The following CRPPA variants were observed in gnomAD, a reference collection of about 807,000 sequenced individuals.
CRPPA encodes the protein D-ribitol-5-phosphate cytidylyltransferase.
In CRPPA, 43 loss-of-function variants were observed where a neutral mutation model predicts 52.0. That is an observed-to-expected ratio of 0.83 (90% CI 0.65 to 1.07). The LOEUF (loss-of-function observed/expected upper bound fraction) is 1.07. Among genes scored for constraint, CRPPA ranks in the 50% least tolerant of loss-of-function variants. CRPPA has a pLI of 0.00. For synonymous variants in CRPPA, 250 were observed against 203.5 expected (o/e 1.23, Z -1.94); for missense variants, 629 against 551.7 (o/e 1.14, Z -1.40).
intron 3 of CRPPA, among the ~76,000 whole-genome samples, chr7:16,328,515 G>C (rs1014277617): frequency 2.0e-5 from 3 of 152,032 alleles, no homozygotes; most frequent in African/African-American, 7.2e-5. Context: ...TGGGGGGTTT[G>C]TTTTGTTCTG....
Position 16,198,261 on chromosome 7 carries a change from C to T in CRPPA, c.1251+17805G>A, listed in dbSNP as rs527241964. The stretch of plus-strand genomic sequence containing the variant: ...CAATGGAATGTCTCGGTATAAAACC[C>T]GATTGTATGCTCCATCTACTGAGAT... On this transcript the variant is annotated intron_variant, in intron 9 of 9. Transcript: ENST00000407010. Among the ~76,000 whole-genome samples, 123 of 22,506 alleles carry T rather than the reference C, an allele frequency of 5.5e-3. 1 individual carries two copies. The highest frequency in any genetic ancestry group is 0.013 in the African/African-American group (68 of 5,048). The allele number at this position is 22,506 out of a possible 152,430, so 14.8% of individuals were successfully genotyped here.
intron 3 of CRPPA, among the ~76,000 whole-genome samples, chr7:16,363,864 T>C (rs1786521039): frequency 6.6e-6 from 1 of 152,134 alleles, no homozygotes; most frequent in South Asian, 2.1e-4. Flanking sequence ...TTCAATAAAT[T>C]TGCCTGCTAT....
intron 3 of CRPPA, among the ~76,000 whole-genome samples, chr7:16,361,712 A>G (rs907039015): frequency 3.3e-5 from 5 of 152,218 alleles, no homozygotes; most frequent in African/African-American, 4.8e-5. Context: ...TTACCATTTA[A>G]TAAGCACAAA....
intron 9 of CRPPA, among the ~76,000 whole-genome samples, chr7:16,213,592 T>C (rs896442269): frequency 2.0e-5 from 3 of 152,026 alleles, no homozygotes; most frequent in South Asian, 2.1e-4. Flanking sequence ...CTACTACATA[T>C]ACAAAATTTA....
intron 9 of CRPPA, among the ~76,000 whole-genome samples, chr7:16,202,461 A>T (rs1405049116): frequency 6.6e-6 from 1 of 152,182 alleles, no homozygotes; most frequent in Non-Finnish European, 1.5e-5. Context: ...GTCACTCAGC[A>T]GTCACTGAGG....
chr7:16,094,585 A>G (rs78929316), intron 9 of CRPPA, among the ~76,000 whole-genome samples: 9 of 98,580 alleles, frequency 9.1e-5, no homozygotes, highest in East Asian at 3.1e-4. Flanking sequence ...GTGTGTGTGT[A>G]TGTGTGTGTG....
chr7:16,253,230 T>C (rs1211105008), intron 8 of CRPPA, among the ~76,000 whole-genome samples: 2 of 152,212 alleles, frequency 1.3e-5, no homozygotes, highest in Non-Finnish European at 1.5e-5. Flanking sequence ...CTGCTTTCTC[T>C]TGTGGGCATT....
intron 3 of CRPPA, among the ~76,000 whole-genome samples, chr7:16,352,879 GCACACACACACACACACACA>G (rs56733439): frequency 1.4e-4 from 20 of 142,354 alleles, no homozygotes; most frequent in South Asian, 7.0e-4. Context: ...AAGTAACATG[GCACACACACACACACACACA>G]CACACACACA....
chr7:16,098,072 A>G (rs1249269796), intron 9 of CRPPA, among the ~76,000 whole-genome samples: 4 of 152,216 alleles, frequency 2.6e-5, no homozygotes. Flanking sequence ...TAATTGAACT[A>G]CACACATATC....
intron 9 of CRPPA, among the ~76,000 whole-genome samples, chr7:16,192,207 C>T (rs1178377208): frequency 1.3e-5 from 2 of 152,020 alleles, no homozygotes; most frequent in Admixed American, 1.3e-4. Context: ...AGAACAGAGG[C>T]ATCCTCTCTC....
intron 8 of CRPPA, among the ~76,000 whole-genome samples, chr7:16,244,520 G>C (rs1212285126): frequency 6.6e-6 from 1 of 152,156 alleles, no homozygotes; most frequent in African/African-American, 2.4e-5. Flanking sequence ...GAACGTAAGA[G>C]ACAATGGAGG....
chr7:16,249,971 C>A (rs1212217492), intron 8 of CRPPA, among the ~76,000 whole-genome samples: 2 of 152,066 alleles, frequency 1.3e-5, no homozygotes, highest in African/African-American at 4.8e-5. Flanking sequence ...CACAAGGAAG[C>A]TAAGAACCTT....
intron 9 of CRPPA, among the ~76,000 whole-genome samples, chr7:16,190,856 A>C (rs568083179): frequency 2.0e-4 from 30 of 152,178 alleles, no homozygotes; most frequent in African/African-American, 7.0e-4. Flanking sequence ...TATGAGTGAA[A>C]ACATGACGTT....
intron 3 of CRPPA, among the ~76,000 whole-genome samples, chr7:16,323,097 C>T (rs1029685993): frequency 6.6e-6 from 1 of 152,094 alleles, no homozygotes; most frequent in Non-Finnish European, 1.5e-5. Flanking sequence ...GAGATTACAA[C>T]TCAAGATGAG....
intron 3 of CRPPA, among the ~76,000 whole-genome samples, chr7:16,318,687 T>C (rs1785197354): frequency 6.6e-6 from 1 of 151,994 alleles, no homozygotes; most frequent in Admixed American, 6.6e-5. Flanking sequence ...ATGCCTTCCT[T>C]AAGGCAATAA....
chr7:16,203,251 G>C (rs930693031), intron 9 of CRPPA, among the ~76,000 whole-genome samples: 7 of 152,164 alleles, frequency 4.6e-5, no homozygotes, highest in Non-Finnish European at 1.0e-4. Context: ...CCTATTGTTT[G>C]GGCGTATCCA....
intron 9 of CRPPA, among the ~76,000 whole-genome samples, chr7:16,160,443 G>A (rs1783278801): frequency 6.6e-6 from 1 of 152,106 alleles, no homozygotes; most frequent in Non-Finnish European, 1.5e-5. Context: ...CCCATTGCTT[G>A]TTTTTCTCAG....
At chr7:16,154,954 C>T (rs1583394735) in intron 9 of CRPPA, among the ~76,000 whole-genome samples, 1 of 149,440 alleles carries the variant, frequency 6.7e-6, no homozygotes, top group South Asian at 2.1e-4. Flanking sequence ...ACATGCACCA[C>T]ACACCCAGCT....
rs1209029311 is a variant in CRPPA, at chr7:16,387,078, TATATATATAC to T, written c.535-10847_535-10838del. On this transcript the variant is annotated intron_variant, in intron 2 of 9. Transcript: ENST00000407010. ...ATATATATATATATATATATATATA[TATATATATAC>T]ACACATATATATATGTATATACACA... 1.5e-3 allele frequency among the ~76,000 whole-genome samples: 71 copies of T among 46,506 alleles called. 2 individuals are homozygous for T. Among genetic ancestry groups the T allele is most frequent in the African/African-American group, 6.6e-3 (63 of 9,500 alleles). 30.5% of individuals were successfully genotyped at this position (46,506 alleles called of 152,430 possible).
Sources: allele counts gnomAD v4.1 joint callset (sites outside exome capture counted in the v4.1 genomes callset), GRCh38; gene constraint gnomAD v4.1.1; transcripts MANE v1.5; gene names NCBI Gene and HGNC (gene_info 2026-07-23, HGNC 2026-07-21).